The following PHF21B variants were observed in gnomAD, a reference collection of about 807,000 sequenced individuals.
PHF21B encodes the protein PHD finger protein 21B, also known as PHD finger protein 4.
A neutral mutation model predicts 62.2 loss-of-function variants in PHF21B; 22 were observed. The observed-to-expected ratio is 0.35, with a 90% CI of 0.25 to 0.51. The LOEUF (loss-of-function observed/expected upper bound fraction) is 0.51, where lower values mean the gene tolerates loss of function less well. Ranked by LOEUF, PHF21B falls within the 20% of genes least tolerant of loss-of-function variation. PHF21B has a pLI of 0.97. For synonymous variants in PHF21B, 341 were observed against 314.7 expected (o/e 1.08, Z -0.88); for missense variants, 701 against 707.9 (o/e 0.99, Z 0.11).
rs2070961531 is a variant in PHF21B at position 44,891,369 on chromosome 22, A to C, written c.961-9T>G. ...GAGGCCAGCCGTTTCCTCTGCAGGG[A>C]CAGAAAACAAAACAACACACCCCAT... On this transcript the variant is annotated splice_polypyrimidine_tract_variant and intron_variant, in intron 7 of 12. Coordinates refer to ENST00000313237, the MANE Select transcript of PHF21B (RefSeq NM_138415.5). 2 of 1,613,226 alleles carry C rather than the reference A, an allele frequency of 1.2e-6. No individual in the cohort carries two copies. The highest frequency in any genetic ancestry group is 1.7e-6 in the Non-Finnish European group (2 of 1,179,816).
chr22:44,907,318 C>A (rs1474010897), intron 5 of PHF21B, among the ~76,000 whole-genome samples: 1 of 152,204 alleles, frequency 6.6e-6, no homozygotes, highest in Non-Finnish European at 1.5e-5. Context: ...AGGTCACGGC[C>A]CGGCTGGCTC....
At chr22:44,984,156 C>A in intron 2 of PHF21B, among the ~76,000 whole-genome samples, 1 of 150,112 alleles carries the variant, frequency 6.7e-6, no homozygotes. Flanking sequence ...TCATCACCAC[C>A]ATCACCACCA....
In PHF21B at chr22:44,937,435, G is replaced by C. The variant is rs2071872155; in HGVS notation, c.121-16945C>G. Among the ~76,000 whole-genome samples the C allele has an allele frequency of 2.0e-5, 3 of 152,240 alleles. No individual in the cohort carries two copies. In the South Asian group the frequency reaches 6.2e-4, roughly 31 times the overall value. On this transcript the variant is annotated intron_variant, in intron 2 of 12. Transcript: ENST00000313237. ...GAGGACGGAGACCCAAGTGGGCTGA[G>C]CTGGGCCATCACGGAGTAGCCGGGT...
At chr22:44,993,150 A>T (rs1464616752) in intron 2 of PHF21B, among the ~76,000 whole-genome samples, 1 of 152,186 alleles carries the variant, frequency 6.6e-6, no homozygotes, top group East Asian at 1.9e-4. Context: ...TGGGGCCAGC[A>T]TCTCACTGGG....
At chr22:44,994,212 G>T (rs1417262799) in intron 2 of PHF21B, among the ~76,000 whole-genome samples, 1 of 152,248 alleles carries the variant, frequency 6.6e-6, no homozygotes. Flanking sequence ...GATCCTTCTA[G>T]AACCTTGGAA....
intron 3 of PHF21B, among the ~76,000 whole-genome samples, chr22:44,917,321 G>A (rs868234572): frequency 6.6e-6 from 1 of 152,144 alleles, no homozygotes; most frequent in Non-Finnish European, 1.5e-5. Context: ...ACTGGGGTTC[G>A]GAAGAAAGAA....
chr22:44,920,283 G>A, intron 3 of PHF21B, 115 bp downstream of exon 3: 1 of 651,938 alleles, frequency 1.5e-6, no homozygotes, highest in East Asian at 3.1e-5. Flanking sequence ...AGCTGAGAGG[G>A]CACGAGTTCC....
chr22:44,900,100 C>T (rs1031327454), intron 5 of PHF21B, among the ~76,000 whole-genome samples: 22 of 151,800 alleles, frequency 1.4e-4, no homozygotes, highest in African/African-American at 5.3e-4. Context: ...ACCTTCTTTC[C>T]CTCCTTCTCC....
intron 2 of PHF21B, among the ~76,000 whole-genome samples, chr22:44,991,841 G>A (rs774807372): frequency 4.6e-5 from 7 of 152,264 alleles, no homozygotes; most frequent in Non-Finnish European, 8.8e-5. Context: ...GCCTTACAGG[G>A]TGAAGGGGCT....
At chr22:44,948,599 A>T (rs1017998575) in intron 2 of PHF21B, among the ~76,000 whole-genome samples, 2 of 151,650 alleles carry the variant, frequency 1.3e-5, no homozygotes, top group African/African-American at 4.8e-5. Context: ...GCTGAGGCAC[A>T]AGAATCGCTC....
At chr22:44,955,756 T>C (rs1406607064) in intron 2 of PHF21B, among the ~76,000 whole-genome samples, 1 of 152,154 alleles carries the variant, frequency 6.6e-6, no homozygotes, top group African/African-American at 2.4e-5. Context: ...ATCACGGGAC[T>C]TCTCAGCCTC....
chr22:44,896,112 T>C (rs1262149437), intron 5 of PHF21B, 29 bp from the exon 6 acceptor site: 1 of 1,613,274 alleles, frequency 6.2e-7, no homozygotes, highest in Admixed American at 1.7e-5. Flanking sequence ...AAAGGAGCAT[T>C]AACACAACCG....
At chr22:44,952,584 C>T (rs542705912) in intron 2 of PHF21B, among the ~76,000 whole-genome samples, 3 of 152,328 alleles carry the variant, frequency 2.0e-5, no homozygotes, top group African/African-American at 7.2e-5. Context: ...ATGGGAATTA[C>T]ATCTAATCAC....
chr22:44,885,389 G>A lies in PHF21B; in HGVS notation c.1377+37C>T, dbSNP rs114683205. ...CCCCTAGACCCGGGGCACACCTGCAGGGCTGAGGCCAGCCTCCCCCAGGCC... is the reference window on the plus strand; with the variant it reads ...CCCCTAGACCCGGGGCACACCTGCAAGGCTGAGGCCAGCCTCCCCCAGGCC... On this transcript the variant is annotated intron_variant, in intron 12 of 12. Transcript: ENST00000313237. 2.2e-3 allele frequency: 3,297 copies of A among 1,526,700 alleles called. 23 individuals are homozygous for A. In the African/African-American group the frequency reaches 0.026, roughly 12 times the overall value. 94.6% of individuals were successfully genotyped at this position (1,526,700 alleles called of 1,614,324 possible).
intron 2 of PHF21B, among the ~76,000 whole-genome samples, chr22:44,937,902 A>G (rs543698827): frequency 6.6e-6 from 1 of 152,390 alleles, no homozygotes; most frequent in African/African-American, 2.4e-5. Context: ...AAATCTCAAC[A>G]GCGGGTGCTC....
chr22:44,887,766 A>AAG (rs1292266339), intron 10 of PHF21B, among the ~76,000 whole-genome samples, 197 bp downstream of exon 10: 1 of 151,998 alleles, frequency 6.6e-6, no homozygotes. Flanking sequence ...AAAAAAAAAA[A>AAG]AAAAAAAAAA....
intron 3 of PHF21B, among the ~76,000 whole-genome samples, chr22:44,917,818 G>A (rs570144400): frequency 3.3e-5 from 5 of 152,326 alleles, no homozygotes; most frequent in Admixed American, 6.5e-5. Context: ...GCCTTGGGCA[G>A]GTCACCAAGG....
chr22:44,955,579 C>T (rs2072279816), intron 2 of PHF21B, among the ~76,000 whole-genome samples: 1 of 152,218 alleles, frequency 6.6e-6, no homozygotes, highest in Admixed American at 6.5e-5. Context: ...GGAAGGGTGG[C>T]TTCTCTCTTC....
chr22:44,907,942 C>T (rs893659328), intron 5 of PHF21B, among the ~76,000 whole-genome samples: 5 of 152,192 alleles, frequency 3.3e-5, no homozygotes, highest in African/African-American at 7.2e-5. Context: ...AGTACAGGGG[C>T]GCTGGGGGGG....
Sources: gnomAD v4.1 joint callset for allele counts (sites outside exome capture counted in the v4.1 genomes callset) on GRCh38, gnomAD v4.1.1 for gene constraint, MANE v1.5 for transcripts, NCBI Gene and HGNC (gene_info 2026-07-23, HGNC 2026-07-21) for gene names.